Variants in FAT3 observed in about 807,000 individuals in gnomAD.
FAT3 encodes FAT atypical cadherin 3, also known as protocadherin Fat 3.
FAT3 carries 95 observed loss-of-function variants against 310.2 expected under a neutral mutation model. That is an observed-to-expected ratio of 0.31 (90% CI 0.26 to 0.36). The LOEUF is 0.36. FAT3 is among the 10% of genes least tolerant of loss of function. The pLI, the probability that FAT3 is intolerant of heterozygous loss-of-function variation, is 1.00. For missense variants in FAT3, 5,408 were observed against 5,715.6 expected (o/e 0.95, Z 1.74); for synonymous variants, 2,314 against 2,192.9 (o/e 1.06, Z -1.54).
chr11:92,279,447 A>G (rs1193630103), intron 1 of FAT3, among the ~76,000 whole-genome samples: 2 of 152,168 alleles, frequency 1.3e-5, no homozygotes, highest in African/African-American at 4.8e-5. Flanking sequence ...AACACATGTT[A>G]TGTATCATTC....
intron 2 of FAT3, among the ~76,000 whole-genome samples, chr11:92,365,864 G>A (rs900161147): frequency 2.6e-5 from 4 of 152,198 alleles, no homozygotes; most frequent in African/African-American, 9.7e-5. Context: ...GACCACATGT[G>A]GGGCTATTTC....
intron 2 of FAT3, among the ~76,000 whole-genome samples, chr11:92,452,909 G>A (rs902396929): frequency 1.3e-5 from 2 of 152,010 alleles, no homozygotes; most frequent in Admixed American, 6.6e-5. Flanking sequence ...GAGTAGCTGG[G>A]ACTATAGGTG....
chr11:92,779,839 A>G (rs1946696188), intron 7 of FAT3, among the ~76,000 whole-genome samples: 1 of 152,204 alleles, frequency 6.6e-6, no homozygotes, highest in African/African-American at 2.4e-5. Context: ...GGTAAGTAAG[A>G]GATTCAAAAT....
intron 4 of FAT3, among the ~76,000 whole-genome samples, chr11:92,700,912 T>TC (rs1944079727): frequency 6.6e-6 from 1 of 152,032 alleles, no homozygotes; most frequent in African/African-American, 2.4e-5. Context: ...TTCTTTTTTT[T>TC]CCCTAAATAG....
intron 2 of FAT3, among the ~76,000 whole-genome samples, chr11:92,446,722 A>G (rs1040684309): frequency 2.6e-5 from 4 of 152,156 alleles, no homozygotes; most frequent in South Asian, 2.1e-4. Flanking sequence ...CTATATGCCT[A>G]TAGGCTATAT....
intron 1 of FAT3, among the ~76,000 whole-genome samples, chr11:92,325,970 T>C (rs1036752589): frequency 4.6e-5 from 7 of 152,202 alleles, no homozygotes; most frequent in East Asian, 1.9e-4. Flanking sequence ...ATTTCTTTTA[T>C]GCATTACTAA....
intron 1 of FAT3, among the ~76,000 whole-genome samples, chr11:92,268,472 T>C (rs1034462800): frequency 9.6e-6 from 1 of 104,592 alleles, no homozygotes; most frequent in Non-Finnish European, 2.0e-5. Flanking sequence ...TAGATTTCCT[T>C]TTTTTTTTTT....
chr11:92,362,819 T>G (rs1254917524), intron 2 of FAT3, among the ~76,000 whole-genome samples: 1 of 152,232 alleles, frequency 6.6e-6, no homozygotes, highest in Non-Finnish European at 1.5e-5. Flanking sequence ...ACTGATATTT[T>G]CTAGCAATCT....
chr11:92,772,280 T>C (rs1171042615), intron 6 of FAT3, among the ~76,000 whole-genome samples: 4 of 152,198 alleles, frequency 2.6e-5, no homozygotes, highest in Non-Finnish European at 1.5e-5. Flanking sequence ...ACAGGACTTA[T>C]GAGGCAATTT....
chr11:92,406,009 A>G (rs1950128882), intron 2 of FAT3, among the ~76,000 whole-genome samples: 1 of 152,204 alleles, frequency 6.6e-6, no homozygotes, highest in Admixed American at 6.5e-5. Flanking sequence ...ATTTCAAGAC[A>G]TATTCTTGAA....
intron 13 of FAT3, among the ~76,000 whole-genome samples, chr11:92,814,561 G>A (rs1267274062): frequency 6.6e-6 from 1 of 152,104 alleles, no homozygotes; most frequent in Non-Finnish European, 1.5e-5. Context: ...CCCATAAACT[G>A]GTGACATGAC....
At chr11:92,718,080 A>G (rs1944741522) in intron 4 of FAT3, among the ~76,000 whole-genome samples, 2 of 152,140 alleles carry the variant, frequency 1.3e-5, no homozygotes, top group African/African-American at 4.8e-5. Context: ...GTGATGCCGA[A>G]CTTTCAGAAG....
chr11:92,463,239 A>G (rs1329255102), intron 2 of FAT3, among the ~76,000 whole-genome samples: 4 of 152,220 alleles, frequency 2.6e-5, no homozygotes, highest in African/African-American at 9.6e-5. Context: ...AATTGCTGGC[A>G]TGCTCTCATT....
chr11:92,800,020 A>G lies in FAT3; in HGVS notation c.7007A>G (p.Tyr2336Cys). ...CAGGATACCTACAATAGCACAGATT[A>G]TTTTCACATAGATAGCTCAAGTGGC... Reference protein sequence around the residue: ...IVQDTYNSTDYFHIDSSSGLI... With the variant: ...IVQDTYNSTDCFHIDSSSGLI... Residue 2336 changes from tyrosine to cysteine, a missense_variant, in exon 10 of 28, where the codon TAT (tyrosine) becomes TGT (cysteine). By Grantham distance (194) the Tyr-to-Cys change is radical. This residue lies in a region of FAT3 where 4,588 missense variants were observed against 4,809.8 expected (regional missense o/e 0.95). Transcript: ENST00000525166. 1 of 1,613,966 alleles carries G rather than the reference A, an allele frequency of 6.2e-7. No homozygotes were observed.
chr11:92,412,410 T>TTTTTTTTA, intron 2 of FAT3, among the ~76,000 whole-genome samples: 1 of 143,434 alleles, frequency 7.0e-6, no homozygotes, highest in Admixed American at 7.2e-5. Flanking sequence ...CTATTTTTTT[T>TTTTTTTTA]TTTTTTTTTT....
chr11:92,390,165 G>A (rs2134807402), intron 2 of FAT3, among the ~76,000 whole-genome samples: 1 of 152,198 alleles, frequency 6.6e-6, no homozygotes, highest in East Asian at 1.9e-4. Context: ...GTAAAGTCAG[G>A]AATAGAGTTT....
chr11:92,865,710 G>A lies in FAT3; in HGVS notation c.11659-1031G>A, dbSNP rs536803719. On this transcript the variant is annotated intron_variant, in intron 21 of 27. Coordinates refer to ENST00000525166, the MANE Select transcript of FAT3 (RefSeq NM_001367949.2). ...CTGAGAAATGTAGAACAAGGTGGACGACACAGGGGATTCAAAGACATGTTT... is the reference window on the plus strand; with the variant it reads ...CTGAGAAATGTAGAACAAGGTGGACAACACAGGGGATTCAAAGACATGTTT... 5.3e-5 allele frequency among the ~76,000 whole-genome samples: 8 copies of A among 152,340 alleles called. No individual in the cohort carries two copies. In the East Asian group the frequency reaches 9.7e-4, roughly 18 times the overall value.
chr11:92,479,251 C>A (rs1952150116), intron 2 of FAT3, among the ~76,000 whole-genome samples: 2 of 150,428 alleles, frequency 1.3e-5, no homozygotes, highest in Non-Finnish European at 3.0e-5. Context: ...GCCCAAGCAT[C>A]CTGCCCTCCT....
intron 4 of FAT3, 97 bp from the exon 5 acceptor site, chr11:92,761,759 T>C: frequency 9.3e-7 from 1 of 1,076,822 alleles, no homozygotes; most frequent in Non-Finnish European, 1.4e-6. Context: ...TTGGATAGGA[T>C]AGCATTGTCC....
Sources: allele counts gnomAD v4.1 joint callset (sites outside exome capture counted in the v4.1 genomes callset), GRCh38; gene constraint gnomAD v4.1.1; regional missense constraint gnomAD v4.1.1; transcripts MANE v1.5; gene names NCBI Gene and HGNC (gene_info 2026-07-23, HGNC 2026-07-21).